CCDC85A: variants seen among roughly 807,000 people sequenced by gnomAD.
CCDC85A encodes the protein coiled-coil domain containing 85A.
Under a neutral mutation model 50.2 loss-of-function variants are expected in CCDC85A, and 38 were observed. The ratio of observed to expected loss-of-function variants is 0.76; its 90% CI spans 0.58 to 0.99. The LOEUF is 0.99. Among genes scored for constraint, CCDC85A ranks in the 50% least tolerant of loss-of-function variants. CCDC85A has a pLI of 0.00. For missense variants in CCDC85A, 820 were observed against 742.0 expected (o/e 1.11, Z -1.22); for synonymous variants, 366 against 301.4 (o/e 1.21, Z -2.22).
At position 56,319,006 on chromosome 2, in the gene CCDC85A, G is replaced by A. The variant is rs142661847; in HGVS notation, c.1241-23873G>A. On this transcript the variant is annotated intron_variant, in intron 2 of 5. Transcript: ENST00000407595. ...TGATGATTGTAGTCCTAGATCTGCC[G>A]TCATGATGCTGGAGCAGGAGCAGAG... Among the ~76,000 whole-genome samples, 24 of 152,194 alleles carry A rather than the reference G, an allele frequency of 1.6e-4. 1 individual carries two copies. The highest frequency in any genetic ancestry group is 5.9e-4 in the Admixed American group (9 of 15,260).
chr2:56,230,954 G>A (rs1331279977), intron 2 of CCDC85A, among the ~76,000 whole-genome samples: 1 of 152,144 alleles, frequency 6.6e-6, no homozygotes, highest in Non-Finnish European at 1.5e-5. Context: ...GTGCTTAAAT[G>A]AGCTGCAAAG....
chr2:56,342,204 T>G (rs905598036), intron 2 of CCDC85A, among the ~76,000 whole-genome samples: 11 of 152,026 alleles, frequency 7.2e-5, no homozygotes, highest in Non-Finnish European at 1.3e-4. Context: ...TACTTTTTTT[T>G]TTTTAAATTG....
At chr2:56,309,255 A>G (rs989153595) in intron 2 of CCDC85A, among the ~76,000 whole-genome samples, 3 of 152,188 alleles carry the variant, frequency 2.0e-5, no homozygotes, top group African/African-American at 4.8e-5. Flanking sequence ...TGATGGTTCA[A>G]ATTAGATTTC....
chr2:56,366,002 A>G (rs1393764326), intron 3 of CCDC85A, among the ~76,000 whole-genome samples: 1 of 152,242 alleles, frequency 6.6e-6, no homozygotes, highest in East Asian at 1.9e-4. Flanking sequence ...GAGTACGATC[A>G]TGCAGTATTT....
chr2:56,297,751 G>C (rs553632108), intron 2 of CCDC85A, among the ~76,000 whole-genome samples: 20 of 152,328 alleles, frequency 1.3e-4, no homozygotes, highest in African/African-American at 4.8e-4. Context: ...CGTGTGAGGT[G>C]ATGTCGGGGA....
At chr2:56,314,321 C>T (rs775052255) in intron 2 of CCDC85A, among the ~76,000 whole-genome samples, 1 of 151,728 alleles carries the variant, frequency 6.6e-6, no homozygotes, top group South Asian at 2.1e-4. Context: ...CTGATCCCTG[C>T]TCTTCCACAT....
chr2:56,193,426 A>G lies in CCDC85A; in HGVS notation c.1226A>G (p.Tyr409Cys). The G allele has an allele frequency of 1.9e-6, 3 of 1,607,154 alleles. No homozygotes were observed. The highest frequency in any genetic ancestry group is 1.1e-5 in the South Asian group (1 of 89,494). The change falls in exon 2 of 6, where the codon TAC becomes TGC. Residue 409 changes from tyrosine to cysteine, a missense_variant. Coordinates refer to ENST00000407595, the MANE Select transcript of CCDC85A (RefSeq NM_001080433.2). ...EDGSPHHRNV[Y>C]SGMNESTLSY... ...GGGTCACCCCATCACCGGAATGTCT[A>G]CAGTGGCATGAACGGTGGGTCAGTA...
chr2:56,284,369 T>A (rs973039803), intron 2 of CCDC85A, among the ~76,000 whole-genome samples: 4 of 152,326 alleles, frequency 2.6e-5, no homozygotes, highest in Admixed American at 2.0e-4. Context: ...TTGATAACGT[T>A]CAAATCTTCT....
At chr2:56,216,839 A>T (rs150460124) in intron 2 of CCDC85A, among the ~76,000 whole-genome samples, 1 of 147,754 alleles carries the variant, frequency 6.8e-6, no homozygotes, top group Non-Finnish European at 1.5e-5. Flanking sequence ...TTCCTGTTTC[A>T]TTGTGTTTTT....
intron 2 of CCDC85A, among the ~76,000 whole-genome samples, chr2:56,259,224 G>A (rs1157535689): frequency 6.6e-6 from 1 of 152,136 alleles, no homozygotes; most frequent in Non-Finnish European, 1.5e-5. Context: ...CTGTTTTTGG[G>A]TAAGGCTTGT....
intron 2 of CCDC85A, among the ~76,000 whole-genome samples, chr2:56,308,488 A>G (rs373302518): frequency 1.7e-4 from 26 of 152,302 alleles, no homozygotes; most frequent in African/African-American, 6.3e-4. Context: ...CTGAAGTTCA[A>G]AATCTGGCTC....
At chr2:56,196,021 C>T (rs1034063825) in intron 2 of CCDC85A, among the ~76,000 whole-genome samples, 1 of 152,136 alleles carries the variant, frequency 6.6e-6, no homozygotes, top group Non-Finnish European at 1.5e-5. Flanking sequence ...GTGCCTTGAG[C>T]ATTTATAAAT....
intron 2 of CCDC85A, among the ~76,000 whole-genome samples, chr2:56,264,228 A>G (rs1462039886): frequency 6.6e-6 from 1 of 152,096 alleles, no homozygotes; most frequent in Admixed American, 6.6e-5. Flanking sequence ...ACTTTCCTTC[A>G]GAACTCCAGA....
chr2:56,374,048 G>A (rs1322871020), intron 4 of CCDC85A, among the ~76,000 whole-genome samples: 3 of 152,154 alleles, frequency 2.0e-5, no homozygotes, highest in African/African-American at 7.2e-5. Context: ...GATTTGATCT[G>A]GTTTATAAAT....
chr2:56,369,348 G>A (rs1024393683), intron 3 of CCDC85A, among the ~76,000 whole-genome samples: 2 of 152,178 alleles, frequency 1.3e-5, no homozygotes, highest in Admixed American at 6.5e-5. Context: ...TAGAATGGTC[G>A]TAGTTTGAAG....
chr2:56,190,378 T>C (rs1253284303), intron 1 of CCDC85A, among the ~76,000 whole-genome samples: 1 of 152,200 alleles, frequency 6.6e-6, no homozygotes, highest in African/African-American at 2.4e-5. Flanking sequence ...TAAAAATTCC[T>C]TGGCTTCAGG....
intron 2 of CCDC85A, among the ~76,000 whole-genome samples, chr2:56,234,917 T>A (rs1412289127): frequency 1.4e-4 from 21 of 152,360 alleles, no homozygotes; most frequent in Admixed American, 1.2e-3. Context: ...TGGAGATAGC[T>A]TCTTAGTAGA....
Position 56,384,347 on chromosome 2 carries a change from C to T in CCDC85A, c.1654C>T (p.Pro552Ser), listed in dbSNP as rs1676733610. 2 of 1,610,506 alleles carry T rather than the reference C, an allele frequency of 1.2e-6. No individual in the cohort carries two copies. Among genetic ancestry groups the T allele is most frequent in the Non-Finnish European group, 1.7e-6 (2 of 1,177,624 alleles). ...QHLSGNQYKG[P>S]M ...TTTGTCAGGAAACCAGTACAAAGGACCAATGTGAGATGCACTCTTTTTCAA... is the reference window on the plus strand; with the variant it reads ...TTTGTCAGGAAACCAGTACAAAGGATCAATGTGAGATGCACTCTTTTTCAA... The change falls in exon 6 of 6, where the codon CCA becomes TCA. Residue 552 changes from proline (P) to serine (S), a missense_variant. Coordinates refer to ENST00000407595, the MANE Select transcript of CCDC85A (RefSeq NM_001080433.2).
intron 5 of CCDC85A, chr2:56,383,827 C>G: frequency 1.2e-6 from 1 of 864,094 alleles, no homozygotes; most frequent in Non-Finnish European, 1.4e-6. Context: ...CCAGGATGAT[C>G]TTGCCAAGGT....
Sources: allele counts gnomAD v4.1 joint callset (sites outside exome capture counted in the v4.1 genomes callset), GRCh38; gene constraint gnomAD v4.1.1; transcripts MANE v1.5; gene names NCBI Gene and HGNC (gene_info 2026-07-23, HGNC 2026-07-21).